Variants in JAK1 observed in about 807,000 individuals in gnomAD.
JAK1 encodes Janus kinase 1.
JAK1 carries 16 observed loss-of-function variants against 136.6 expected under a neutral mutation model. The observed-to-expected ratio is 0.12, with a 90% confidence interval of 0.08 to 0.18. The LOEUF is 0.18. JAK1 is among the 10% of genes least tolerant of loss of function. JAK1 has a pLI of 1.00. For synonymous variants in JAK1, 492 were observed against 519.5 expected (o/e 0.95, Z 0.72); for missense variants, 859 against 1,450.1 (o/e 0.59, Z 6.62).
chr1:64,914,167 C>A (rs529425735), intron 1 of JAK1, among the ~76,000 whole-genome samples: 1 of 152,316 alleles, frequency 6.6e-6, no homozygotes, highest in African/African-American at 2.4e-5. Flanking sequence ...TTGGAAGCAA[C>A]TGCAATGGTC....
intron 1 of JAK1, among the ~76,000 whole-genome samples, chr1:64,957,868 C>T (rs185833534): frequency 5.9e-5 from 9 of 152,192 alleles, no homozygotes; most frequent in Admixed American, 3.3e-4. Flanking sequence ...GGCGTGAACC[C>T]GGGAGGCAGA....
chr1:64,984,761 A>G lies in JAK1; in HGVS notation c.-78+59719T>C, dbSNP rs368699382. The G allele has an allele frequency of 3.1e-6, 3 of 965,184 alleles. No homozygotes were observed. Among genetic ancestry groups the G allele is most frequent in the South Asian group, 1.4e-5 (1 of 69,648 alleles). 59.8% of individuals were successfully genotyped at this position (965,184 alleles called of 1,614,324 possible). A position where few individuals can be genotyped will look rare whatever the true frequency, so the allele number is the denominator to read the frequency against. On this transcript the variant is annotated intron_variant, in intron 2 of 25. Transcript: ENST00000671954. The surrounding 1 kb of genome is among the most constrained non-coding windows in gnomAD (Gnocchi z 4.1). ...ACATCTCAGGGACTTTGAAGAAGGT[A>G]AAGATCAAGAAGGTAATGAGGAAGT...
At chr1:64,862,252 T>C (rs1656395911) in intron 8 of JAK1, among the ~76,000 whole-genome samples, 1 of 152,188 alleles carries the variant, frequency 6.6e-6, no homozygotes, top group Non-Finnish European at 1.5e-5. Flanking sequence ...GTTATGCATA[T>C]GGAATCATCA....
At chr1:64,841,101 G>GC in intron 19 of JAK1, 144 bp downstream of exon 19, 1 of 636,968 alleles carries the variant, frequency 1.6e-6, no homozygotes, top group Non-Finnish European at 2.8e-6. Flanking sequence ...GATGAAAGTG[G>GC]CCCCCAAATG....
chr1:65,060,464 T>C (rs1228787901), intron 1 of JAK1, among the ~76,000 whole-genome samples: 1 of 152,210 alleles, frequency 6.6e-6, no homozygotes, highest in African/African-American at 2.4e-5. Flanking sequence ...AAATATGAAG[T>C]ATAAAGACGA....
intron 2 of JAK1, among the ~76,000 whole-genome samples, chr1:64,986,405 C>T (rs1381207046): frequency 6.6e-6 from 1 of 152,078 alleles, no homozygotes; most frequent in Admixed American, 6.6e-5. Context: ...CTGTACCTGG[C>T]CCCTAATCTA....
At chr1:64,977,062 C>T (rs531047249) in intron 2 of JAK1, among the ~76,000 whole-genome samples, 1 of 152,218 alleles carries the variant, frequency 6.6e-6, no homozygotes, top group Admixed American at 6.5e-5. Context: ...AATCATACAT[C>T]TATTACATAT....
Position 65,042,976 on chromosome 1 carries a change from G to C in JAK1, c.-78+1504C>G, listed in dbSNP as rs1569934555. Among the ~76,000 whole-genome samples, 5 of 152,208 alleles carry C rather than the reference G, an allele frequency of 3.3e-5. No homozygotes were observed. In the South Asian group the frequency reaches 1.0e-3, roughly 32 times the overall value. Reference sequence around the variant, plus strand: ...GAGGAAAACACCTTTCAAGGAGTTTGGTGTGGGCCCATTACAGGTTCTCTA... The same window carrying C: ...GAGGAAAACACCTTTCAAGGAGTTTCGTGTGGGCCCATTACAGGTTCTCTA... On this transcript the variant is annotated intron_variant, in intron 2 of 25. Coordinates refer to the JAK1 transcript ENST00000671954.
Position 64,834,640 on chromosome 1 carries a change from C to G in JAK1, c.3387G>C (p.Arg1129Ser). The G allele has an allele frequency of 6.2e-7, 1 of 1,610,318 alleles. No individual in the cohort carries two copies. Among genetic ancestry groups the G allele is most frequent in the Non-Finnish European group, 8.5e-7 (1 of 1,176,886 alleles). Residue 1129 changes from arginine (R) to serine (S), a missense_variant, in exon 25 of 25, where the codon AGG becomes AGC. By Grantham distance (110) the Arg-to-Ser change is moderately radical. This residue lies in a region of JAK1 where 53 missense variants were observed against 64.8 expected (regional missense o/e 0.82). Transcript: ENST00000342505. ...TGGATGGTTGGAATTCCCAGCATTT[C>G]CTCATAAGTTGATAAACCTGTAAAA... ...NCPDEVYQLM[R>S]KCWEFQPSNR...
At chr1:64,980,952 A>G (rs944849387) in intron 2 of JAK1, among the ~76,000 whole-genome samples, 2 of 152,100 alleles carry the variant, frequency 1.3e-5, no homozygotes, top group African/African-American at 4.8e-5. Flanking sequence ...TATGTGCCAC[A>G]TTTTCTTAAT....
intron 2 of JAK1, among the ~76,000 whole-genome samples, chr1:65,011,997 C>T (rs1646853322): frequency 6.6e-6 from 1 of 152,118 alleles, no homozygotes; most frequent in African/African-American, 2.4e-5. Flanking sequence ...ATAGAGTAGT[C>T]AGGAAAAGAG....
intron 1 of JAK1, among the ~76,000 whole-genome samples, chr1:64,907,605 G>A (rs1318731483): frequency 2.0e-5 from 3 of 151,998 alleles, no homozygotes; most frequent in African/African-American, 7.3e-5. Flanking sequence ...TTAATACCTG[G>A]GTGATGAAAT....
chr1:64,871,183 T>G (rs948116184), intron 5 of JAK1, among the ~76,000 whole-genome samples: 2 of 152,204 alleles, frequency 1.3e-5, no homozygotes, highest in African/African-American at 4.8e-5. Context: ...CCCCTTTCTC[T>G]GTTGTCTCTA....
At chr1:64,872,881 A>C (rs756682392) in intron 5 of JAK1, among the ~76,000 whole-genome samples, 1 of 152,204 alleles carries the variant, frequency 6.6e-6, no homozygotes, top group Non-Finnish European at 1.5e-5. Context: ...TAGCAATCTC[A>C]GAGTAAATGT....
Position 64,940,608 on chromosome 1 carries a change from C to T in JAK1, c.-78+25725G>A, listed in dbSNP as rs528197839. Among the ~76,000 whole-genome samples the T allele has an allele frequency of 2.0e-5, 3 of 152,216 alleles. No homozygotes were observed. The South Asian group carries it at 6.2e-4, about 32-fold the overall frequency. Reference sequence around the variant, plus strand: ...CTGGGGTTACAGGCATAAGCCACTGCACCTGGCTCAATTTCAATTTCTTAA... The same window carrying T: ...CTGGGGTTACAGGCATAAGCCACTGTACCTGGCTCAATTTCAATTTCTTAA... On this transcript the variant is annotated intron_variant, in intron 1 of 24. Transcript: ENST00000342505.
intron 1 of JAK1, chr1:64,942,414 G>A (rs942863046): frequency 3.3e-5 from 5 of 152,134 alleles, no homozygotes; most frequent in African/African-American, 9.7e-5. Flanking sequence ...TAATAAACAT[G>A]ATAACTGATC....
intron 1 of JAK1, among the ~76,000 whole-genome samples, chr1:64,898,841 G>A (rs1047256176): frequency 1.3e-5 from 2 of 152,158 alleles, no homozygotes; most frequent in African/African-American, 4.8e-5. Context: ...CTTGTTCAGT[G>A]CATTTCAGCT....
At chr1:64,908,067 G>C (rs910272621) in intron 1 of JAK1, among the ~76,000 whole-genome samples, 1 of 152,160 alleles carries the variant, frequency 6.6e-6, no homozygotes, top group Non-Finnish European at 1.5e-5. Flanking sequence ...TGACAAAGTA[G>C]ACTACTGACC....
chr1:65,056,478 T>C (rs1647544524), intron 1 of JAK1, among the ~76,000 whole-genome samples: 1 of 152,158 alleles, frequency 6.6e-6, no homozygotes, highest in Non-Finnish European at 1.5e-5. Context: ...CAATGAAGGA[T>C]AAGAAAGAAC....
Sources: gnomAD v4.1 joint callset for allele counts (sites outside exome capture counted in the v4.1 genomes callset) on GRCh38, gnomAD v4.1.1 for gene constraint, gnomAD v4.1.1 regional missense constraint, Gnocchi (gnomAD v3.1) non-coding constraint, MANE v1.5 for transcripts, NCBI Gene and HGNC (gene_info 2026-07-23, HGNC 2026-07-21) for gene names.